PPP2R5A: variants seen among roughly 807,000 people sequenced by gnomAD.
The protein encoded by PPP2R5A is protein phosphatase 2 regulatory subunit B'alpha.
A neutral mutation model predicts 64.2 loss-of-function variants in PPP2R5A; 25 were observed. The ratio of observed to expected loss-of-function variants is 0.39; its 90% confidence interval spans 0.28 to 0.54. The LOEUF (loss-of-function observed/expected upper bound fraction) is 0.54. Among genes scored for constraint, PPP2R5A ranks in the 20% least tolerant of loss-of-function variants. The pLI, the probability that PPP2R5A is intolerant of heterozygous loss-of-function variation, is 0.67. For synonymous variants in PPP2R5A, 198 were observed against 201.2 expected, an observed-to-expected ratio of 0.98 and a Z score of 0.13; for missense variants, 425 against 576.3, an observed-to-expected ratio of 0.74 and a Z score of 2.69.
At chr1:212,304,922 G>A (rs1408602623) in intron 1 of PPP2R5A, among the ~76,000 whole-genome samples, 1 of 151,492 alleles carries the variant, frequency 6.6e-6, no homozygotes, top group Non-Finnish European at 1.5e-5. Context: ...TAGTAGAGAT[G>A]GGGTTTCACC....
intron 8 of PPP2R5A, among the ~76,000 whole-genome samples, chr1:212,353,435 C>G (rs1395620851): frequency 6.6e-6 from 1 of 152,192 alleles, no homozygotes. Flanking sequence ...TTAACAAGCT[C>G]ATGAGATCAT....
intron 3 of PPP2R5A, among the ~76,000 whole-genome samples, chr1:212,334,717 T>G (rs1659561488): frequency 2.0e-5 from 3 of 152,222 alleles, no homozygotes; most frequent in Admixed American, 2.0e-4. Flanking sequence ...CCCATTTGTC[T>G]TCTTACGTCC....
chr1:212,358,643 G>A, intron 11 of PPP2R5A, 43 bp from the exon 12 acceptor site: 2 of 1,402,528 alleles, frequency 1.4e-6, no homozygotes, highest in Non-Finnish European at 2.0e-6. Context: ...TTTCCTCTCT[G>A]TTAGCAGTAT....
intron 8 of PPP2R5A, among the ~76,000 whole-genome samples, chr1:212,351,327 A>C (rs1468977428): frequency 6.6e-6 from 1 of 152,208 alleles, no homozygotes; most frequent in Non-Finnish European, 1.5e-5. Context: ...CCATTCCAGC[A>C]CCAAAATTAC....
Position 212,345,858 on chromosome 1 carries a change from T to G in PPP2R5A, c.629T>G (p.Val210Gly), listed in dbSNP as rs1195585084. Reference protein sequence around the residue: ...DPRERDFLKTVLHRIYGKFLG... With the variant: ...DPRERDFLKTGLHRIYGKFLG... ...AGAGAACGTGACTTCCTGAAGACTG[T>G]TCTGCACCGAATTTATGGGAAATTT... The change falls in exon 5 of 13, where the codon GTT (valine) becomes GGT (glycine). Residue 210 changes from valine to glycine, a missense_variant. Physicochemically the swap from Val to Gly is moderately radical, Grantham distance 109 (BLOSUM62 -3). This residue lies in a region of PPP2R5A where 140 missense variants were observed against 204.4 expected (regional missense o/e 0.68). Coordinates refer to ENST00000261461, the MANE Select transcript of PPP2R5A (RefSeq NM_006243.4). The G allele has an allele frequency of 2.5e-6, 4 of 1,612,650 alleles. No homozygotes were observed. In the African/African-American group the frequency reaches 5.3e-5, roughly 22 times the overall value.
At chr1:212,347,254 G>A in intron 5 of PPP2R5A, 93 bp from the exon 6 acceptor site, 2 of 885,644 alleles carry the variant, frequency 2.3e-6, no homozygotes, top group Non-Finnish European at 3.6e-6. Context: ...TCTAATAGCT[G>A]TCCTTTGGAT....
chr1:212,313,263 A>G (rs1659073455), intron 1 of PPP2R5A, among the ~76,000 whole-genome samples: 1 of 152,116 alleles, frequency 6.6e-6, no homozygotes, highest in Admixed American at 6.5e-5. Flanking sequence ...TATTTTGTTC[A>G]GTTTTTAGTA....
At chr1:212,302,876 T>C (rs186506964) in intron 1 of PPP2R5A, among the ~76,000 whole-genome samples, 318 of 152,252 alleles carry the variant, frequency 2.1e-3, no homozygotes, top group Non-Finnish European at 3.8e-3. Context: ...TTCATTCACT[T>C]TGCATAATGT....
intron 1 of PPP2R5A, among the ~76,000 whole-genome samples, chr1:212,327,433 A>T (rs1468080914): frequency 2.0e-5 from 3 of 152,188 alleles, no homozygotes; most frequent in Non-Finnish European, 4.4e-5. Context: ...TTTTAAATCG[A>T]GACTTGAGTC....
intron 1 of PPP2R5A, among the ~76,000 whole-genome samples, chr1:212,303,050 A>G (rs1307159235): frequency 1.3e-5 from 2 of 152,094 alleles, no homozygotes; most frequent in Admixed American, 1.3e-4. Context: ...GCTGCTATGA[A>G]CATTTGTATA....
At chr1:212,359,555 T>C (rs759634796) in intron 12 of PPP2R5A, among the ~76,000 whole-genome samples, 2 of 152,254 alleles carry the variant, frequency 1.3e-5, no homozygotes, top group Non-Finnish European at 1.5e-5. Flanking sequence ...AGAAGCACTT[T>C]CTTAAACTTA....
intron 1 of PPP2R5A, among the ~76,000 whole-genome samples, chr1:212,287,629 G>C (rs180816698): frequency 6.6e-6 from 1 of 152,298 alleles, no homozygotes; most frequent in Admixed American, 6.5e-5. Flanking sequence ...TTTATCATTT[G>C]ATTGCTCTTT....
At chr1:212,356,097 G>C (rs1300518985) in intron 8 of PPP2R5A, among the ~76,000 whole-genome samples, 5 of 151,866 alleles carry the variant, frequency 3.3e-5, no homozygotes, top group African/African-American at 1.2e-4. Flanking sequence ...AGTCTCTTTT[G>C]TTTCATTGTA....
At chr1:212,329,060 C>T (rs1659455274) in intron 1 of PPP2R5A, 75 bp from the exon 2 acceptor site, 1 of 1,119,594 alleles carries the variant, frequency 8.9e-7, no homozygotes, top group Admixed American at 3.6e-5. Context: ...TGAATAGCTT[C>T]TACAAAATTA....
At position 212,331,040 on chromosome 1, in the gene PPP2R5A, C is replaced by T. The variant is rs184166381; in HGVS notation, c.378+1709C>T. ...AAAATTAGCCAGGTGTGGTGGTGGG[C>T]GCCTGTAATCCCAACTATTTGGGAG... On this transcript the variant is annotated intron_variant, in intron 2 of 12. Coordinates refer to ENST00000261461, the MANE Select transcript of PPP2R5A (RefSeq NM_006243.4). Among the ~76,000 whole-genome samples the T allele has an allele frequency of 8.8e-4, 134 of 151,664 alleles. 2 individuals are homozygous for T. In the Middle Eastern group the frequency reaches 0.017, roughly 19 times the overall value.
chr1:212,329,459 C>A, intron 2 of PPP2R5A, 128 bp downstream of exon 2: 1 of 786,986 alleles, frequency 1.3e-6, no homozygotes, highest in South Asian at 2.1e-5. Context: ...GAAAATAGTT[C>A]ATACCCCATC....
Position 212,360,710 on chromosome 1 carries a change from A to G in PPP2R5A, c.1401A>G (p.Leu467=). Residue 467 remains leucine, a synonymous_variant, in exon 13 of 13, where the codon CTA becomes CTG. Transcript: ENST00000261461. The part of the protein sequence containing the change: ...KLEELKLKKA[L]EKQNSAYNMH... ...AGGAGCTAAAGCTAAAGAAAGCTCT[A>G]GAAAAACAGAATAGTGCTTACAACA... The G allele has an allele frequency of 6.2e-7, 1 of 1,600,718 alleles. No homozygotes were observed. The highest frequency in any genetic ancestry group is 8.5e-7 in the Non-Finnish European group (1 of 1,173,954).
rs1659041428 is a variant in PPP2R5A, at chr1:212,311,958, T to C, written c.182-17177T>C. Among the ~76,000 whole-genome samples the C allele has an allele frequency of 3.3e-5, 5 of 152,216 alleles. No individual in the cohort carries two copies. The South Asian group carries it at 1.0e-3, about 32-fold the overall frequency. On this transcript the variant is annotated intron_variant, in intron 1 of 12. Coordinates refer to ENST00000261461, the MANE Select transcript of PPP2R5A (RefSeq NM_006243.4). ...TTAAATAAATTTAGGGTAGCCTAAA[T>C]ATACCGTTTATAAAGTCTATAGTAG... is the stretch of plus-strand genomic sequence containing the variant.
chr1:212,301,210 C>T (rs1367239857), intron 1 of PPP2R5A, among the ~76,000 whole-genome samples: 2 of 152,190 alleles, frequency 1.3e-5, no homozygotes, highest in African/African-American at 2.4e-5. Context: ...GGGGTTTCGC[C>T]ATGTGGGCCA....
Sources: gnomAD v4.1 joint callset for allele counts (sites outside exome capture counted in the v4.1 genomes callset) on GRCh38, gnomAD v4.1.1 for gene constraint, gnomAD v4.1.1 regional missense constraint, MANE v1.5 for transcripts, NCBI Gene and HGNC (gene_info 2026-07-23, HGNC 2026-07-21) for gene names.